The following CRTAC1 variants were observed in gnomAD, a reference collection of about 807,000 sequenced individuals.
The protein encoded by CRTAC1 is cartilage acidic protein 1, also known as acidic secreted protein in cartilage.
CRTAC1 carries 37 observed loss-of-function variants against 67.8 expected under a neutral mutation model. The observed-to-expected ratio is 0.55, with a 90% CI of 0.42 to 0.72. The LOEUF (loss-of-function observed/expected upper bound fraction) is 0.72, where lower values mean the gene tolerates loss of function less well. Ranked by LOEUF, CRTAC1 falls within the 30% of genes least tolerant of loss-of-function variation. The pLI is 0.00. For missense variants in CRTAC1, 780 were observed against 931.6 expected, an observed-to-expected ratio of 0.84 and a Z score of 2.12; for synonymous variants, 348 against 371.0, an observed-to-expected ratio of 0.94 and a Z score of 0.71.
At chr10:97,909,898 T>G (rs2050665240) in intron 5 of CRTAC1, among the ~76,000 whole-genome samples, 1 of 152,194 alleles carries the variant, frequency 6.6e-6, no homozygotes, top group East Asian at 1.9e-4. Flanking sequence ...ATCCTGTCAT[T>G]TGTGACAACG....
intron 11 of CRTAC1, among the ~76,000 whole-genome samples, chr10:97,885,930 T>G (rs1382346673): frequency 1.3e-5 from 2 of 152,238 alleles, no homozygotes; most frequent in Non-Finnish European, 2.9e-5. Context: ...AACTTAAAAT[T>G]GCTGTTGAAT....
At chr10:97,976,960 G>A (rs973704478) in intron 2 of CRTAC1, among the ~76,000 whole-genome samples, 27 of 152,088 alleles carry the variant, frequency 1.8e-4, no homozygotes, top group Non-Finnish European at 3.4e-4. Flanking sequence ...TGTTCATTTC[G>A]GCCCAGGGAT....
chr10:97,991,978 G>A (rs1187725357), intron 2 of CRTAC1, among the ~76,000 whole-genome samples: 3 of 152,188 alleles, frequency 2.0e-5, no homozygotes, highest in African/African-American at 7.2e-5. Flanking sequence ...GTCTTCCTAA[G>A]CAAAATGTTT....
intron 2 of CRTAC1, among the ~76,000 whole-genome samples, chr10:97,942,862 G>T (rs1347443310): frequency 6.6e-6 from 1 of 151,844 alleles, no homozygotes; most frequent in Non-Finnish European, 1.5e-5. Flanking sequence ...AGCCCAGGTG[G>T]TTGAGACCAG....
intron 2 of CRTAC1, among the ~76,000 whole-genome samples, chr10:97,991,817 AATGTT>A (rs775180824): frequency 6.6e-6 from 1 of 152,164 alleles, no homozygotes; most frequent in Non-Finnish European, 1.5e-5. Context: ...TTTCCTATGA[AATGTT>A]AGGTGTGTTT....
At chr10:97,903,637 G>A (rs1328156867) in intron 7 of CRTAC1, among the ~76,000 whole-genome samples, 1 of 152,014 alleles carries the variant, frequency 6.6e-6, no homozygotes, top group Non-Finnish European at 1.5e-5. Context: ...GAAAACCCTG[G>A]AACTTTCCCA....
At chr10:97,966,770 G>T (rs543659214) in intron 2 of CRTAC1, among the ~76,000 whole-genome samples, 3 of 152,280 alleles carry the variant, frequency 2.0e-5, no homozygotes, top group Admixed American at 2.0e-4. Context: ...AGGGGTACTG[G>T]TCAGGTATTT....
At chr10:97,884,541 T>C (rs1427626992) in intron 11 of CRTAC1, 190 bp from the exon 12 acceptor site, 1 of 603,986 alleles carries the variant, frequency 1.7e-6, no homozygotes, top group Non-Finnish European at 2.9e-6. Flanking sequence ...AATAGACCTG[T>C]CTGTCTGCAA....
At chr10:97,901,938 G>C (rs953666002) in intron 7 of CRTAC1, among the ~76,000 whole-genome samples, 8 of 152,210 alleles carry the variant, frequency 5.3e-5, no homozygotes, top group Admixed American at 2.0e-4. Flanking sequence ...AGGCAGTACA[G>C]ACATTAGCCT....
At chr10:97,966,254 C>T (rs879432739) in intron 2 of CRTAC1, among the ~76,000 whole-genome samples, 8 of 152,148 alleles carry the variant, frequency 5.3e-5, no homozygotes, top group African/African-American at 9.7e-5. Flanking sequence ...TACGGGCATG[C>T]GCCACTCCAC....
At chr10:97,891,291 G>GA (rs1015573483) in intron 11 of CRTAC1, among the ~76,000 whole-genome samples, 34 of 150,930 alleles carry the variant, frequency 2.3e-4, no homozygotes, top group African/African-American at 7.8e-4. Context: ...TTTACAATCA[G>GA]AAAAAAAAAA....
chr10:98,011,455 G>A, intron 1 of CRTAC1, 118 bp from the exon 2 acceptor site: 5 of 1,173,658 alleles, frequency 4.3e-6, no homozygotes, highest in Non-Finnish European at 6.1e-6. Context: ...GAGCTTGACA[G>A]TGCCTAGGCT....
At chr10:97,866,540 C>T (rs1365941001) in intron 14 of CRTAC1, 2 of 152,220 alleles carry the variant, frequency 1.3e-5, no homozygotes, top group Admixed American at 1.3e-4. Flanking sequence ...TGTGTGAGTG[C>T]ACATGTGTGT....
chr10:97,981,886 T>C (rs2051897650), intron 2 of CRTAC1, among the ~76,000 whole-genome samples: 1 of 152,230 alleles, frequency 6.6e-6, no homozygotes, highest in Admixed American at 6.5e-5. Context: ...AAGTCATGTA[T>C]TGTTTTCATG....
chr10:97,937,374 C>T (rs868552499), intron 2 of CRTAC1, among the ~76,000 whole-genome samples: 2 of 152,142 alleles, frequency 1.3e-5, no homozygotes, highest in South Asian at 2.1e-4. Flanking sequence ...CAACCACCCC[C>T]GCCACTGCAC....
chr10:97,941,350 C>T (rs146133994), intron 2 of CRTAC1, among the ~76,000 whole-genome samples: 1 of 152,216 alleles, frequency 6.6e-6, no homozygotes, highest in African/African-American at 2.4e-5. Context: ...GTTGGAGTCC[C>T]CAGTCCTGGG....
rs557372174 is a variant in CRTAC1 at position 97,901,616 on chromosome 10, G to A, written c.1020C>T (p.Ser340=). Residue 340 remains serine, a synonymous_variant, in exon 8 of 15, where the codon TCC becomes TCT. Coordinates refer to ENST00000370597, the MANE Select transcript of CRTAC1 (RefSeq NM_018058.7). ...RFRDIASPKF[S]MPSPVRTVIT... ...TGACCGTGCGGACAGGGGAGGGCAT[G>A]GAGAACTTGGGTGAGGCGATGTCCT... 6.2e-7 allele frequency: 1 copy of A among 1,614,206 alleles called. No homozygotes were observed. Among genetic ancestry groups the A allele is most frequent in the African/African-American group, 1.3e-5 (1 of 75,048 alleles).
At chr10:97,913,114 C>CAGAGAGAGAGAG (rs71488844) in intron 5 of CRTAC1, among the ~76,000 whole-genome samples, 2 of 149,300 alleles carry the variant, frequency 1.3e-5, no homozygotes, top group Non-Finnish European at 3.0e-5. Context: ...GGAATGGGCA[C>CAGAGAGAGAGAG]AGAGAGAGAG....
At chr10:98,026,764 C>G (rs1447399950) in intron 1 of CRTAC1, among the ~76,000 whole-genome samples, 1 of 152,178 alleles carries the variant, frequency 6.6e-6, no homozygotes, top group Admixed American at 6.5e-5. Context: ...GATTCCGCCT[C>G]TCAGAATTCT....
Sources: allele counts gnomAD v4.1 joint callset (sites outside exome capture counted in the v4.1 genomes callset), GRCh38; gene constraint gnomAD v4.1.1; transcripts MANE v1.5; gene names NCBI Gene and HGNC (gene_info 2026-07-23, HGNC 2026-07-21).